FREM1: variants seen among roughly 807,000 people sequenced by gnomAD.
The protein encoded by FREM1 is FRAS1-related extracellular matrix protein 1.
A neutral mutation model predicts 210.1 loss-of-function variants in FREM1; 220 were observed. The ratio of observed to expected loss-of-function variants is 1.05; its 90% CI spans 0.94 to 1.17. The LOEUF is 1.17. Ranked by LOEUF, FREM1 falls within the 50% of genes most tolerant of loss-of-function variation. The probability of loss-of-function intolerance (pLI) is 0.00; values close to 1 mark genes in which losing one functional copy is unlikely to be tolerated. For missense variants in FREM1, 3,454 were observed against 2,675.5 expected, an observed-to-expected ratio of 1.29 and a Z score of -6.42; for synonymous variants, 1,189 against 980.2, an observed-to-expected ratio of 1.21 and a Z score of -3.98.
At position 14,805,501 on chromosome 9, in the gene FREM1, T is replaced by C. The variant is rs1014705058; in HGVS notation, c.3275-349A>G. ...TTTGCATGAATAGTCTCTGTCACAC[T>C]TGAGTATAAAAAGAGACCACCTCCG... On this transcript the variant is annotated intron_variant, in intron 18 of 36. Transcript: ENST00000380880. Among the ~76,000 whole-genome samples, 2 of 152,352 alleles carry C rather than the reference T, an allele frequency of 1.3e-5. 1 individual carries two copies. The highest frequency in any genetic ancestry group is 4.1e-4 in the South Asian group (2 of 4,826).
At chr9:14,852,249 G>T (rs1166687715) in intron 5 of FREM1, among the ~76,000 whole-genome samples, 6 of 152,158 alleles carry the variant, frequency 3.9e-5, no homozygotes, top group South Asian at 2.1e-4. Flanking sequence ...TTCAAGCAAG[G>T]GTTGGGCATT....
chr9:14,737,345 T>C lies in FREM1; in HGVS notation c.*51A>G, dbSNP rs1404326271. On this transcript the variant is annotated 3_prime_UTR_variant, in exon 37 of 37. Transcript: ENST00000380880. The stretch of plus-strand genomic sequence containing the variant: ...TATGGAGCAATATTCACAGATCCTG[T>C]GAATAAATAGGTGACAAACTCCAGG... The C allele has an allele frequency of 7.2e-7, 1 of 1,398,168 alleles. No homozygotes were observed. Among genetic ancestry groups the C allele is most frequent in the African/African-American group, 1.4e-5 (1 of 70,328 alleles). 86.6% of individuals were successfully genotyped at this position (1,398,168 alleles called of 1,614,324 possible).
chr9:14,787,867 C>A (rs1346657319), intron 23 of FREM1, among the ~76,000 whole-genome samples: 2 of 152,152 alleles, frequency 1.3e-5, no homozygotes, highest in Admixed American at 1.3e-4. Flanking sequence ...ACAGTAACAT[C>A]TAGCTTATCT....
rs553179698 is a variant in FREM1, at chr9:14,779,890, A to G, written c.4443-3687T>C. ...AAACATGACTGGATCAAATAACATCATTCCACTTTCACAAGTAACAGTGCA... is the reference window on the plus strand; with the variant it reads ...AAACATGACTGGATCAAATAACATCGTTCCACTTTCACAAGTAACAGTGCA... On this transcript the variant is annotated intron_variant, in intron 24 of 36. Coordinates refer to ENST00000380880, the MANE Select transcript of FREM1 (RefSeq NM_001379081.2). Among the ~76,000 whole-genome samples, 3 of 152,328 alleles carry G rather than the reference A, an allele frequency of 2.0e-5. No individual in the cohort carries two copies. The South Asian group carries it at 6.2e-4, about 32-fold the overall frequency.
intron 5 of FREM1, among the ~76,000 whole-genome samples, chr9:14,854,486 A>G (rs2131454416): frequency 6.6e-6 from 1 of 152,264 alleles, no homozygotes; most frequent in East Asian, 1.9e-4. Context: ...AATTTCAAAG[A>G]TGAATTCAAT....
chr9:14,843,457 C>T (rs1826033610), intron 8 of FREM1, among the ~76,000 whole-genome samples: 1 of 152,136 alleles, frequency 6.6e-6, no homozygotes, highest in Non-Finnish European at 1.5e-5. Context: ...TCCGCAATTA[C>T]ATAAGCCAAT....
chr9:14,743,783 G>A (rs1841957628), intron 35 of FREM1, among the ~76,000 whole-genome samples: 1 of 152,022 alleles, frequency 6.6e-6, no homozygotes, highest in Non-Finnish European at 1.5e-5. Context: ...TTTGTAAGCA[G>A]AGACACCATA....
At chr9:14,843,593 C>T (rs1197397044) in intron 8 of FREM1, among the ~76,000 whole-genome samples, 1 of 152,150 alleles carries the variant, frequency 6.6e-6, no homozygotes, top group East Asian at 1.9e-4. Context: ...CTTACTAATA[C>T]AAATACTTAC....
At chr9:14,805,899 T>C (rs1454412627) in intron 18 of FREM1, among the ~76,000 whole-genome samples, 1 of 152,194 alleles carries the variant, frequency 6.6e-6, no homozygotes, top group African/African-American at 2.4e-5. Flanking sequence ...GCTTTAAAAT[T>C]AATGTCATCT....
rs747595418 is a variant in FREM1 at position 14,842,515 on chromosome 9, G to A, written c.1539C>T (p.Asn513=). The A allele has an allele frequency of 1.1e-5, 18 of 1,613,914 alleles. No individual in the cohort carries two copies. The highest frequency in any genetic ancestry group is 1.6e-4 in the Middle Eastern group (1 of 6,082). Residue 513 remains asparagine (N), a synonymous_variant, in exon 9 of 37, where the codon AAC becomes AAT. Transcript: ENST00000380880. The part of the protein sequence containing the change: ...HHSIRHKFPI[N]VLPKDDSPPF... ...GGGGACTATCATCTTTGGGCAAGAC[G>A]TTGATGGGGAATTTGTGACGGATGC...
intron 1 of FREM1, among the ~76,000 whole-genome samples, chr9:14,872,481 G>T (rs1383824502): frequency 6.6e-6 from 1 of 152,154 alleles, no homozygotes; most frequent in Non-Finnish European, 1.5e-5. Flanking sequence ...TCTTTTATTG[G>T]TGTATAAGAA....
At chr9:14,859,140 T>C (rs982249419) in intron 4 of FREM1, 43 bp downstream of exon 4, 1 of 1,474,228 alleles carries the variant, frequency 6.8e-7, no homozygotes, top group South Asian at 1.4e-5. Flanking sequence ...GATATTTTTG[T>C]CAGTTTTGGT....
At chr9:14,785,255 CAAAT>C (rs1313017430) in intron 23 of FREM1, among the ~76,000 whole-genome samples, 1 of 152,160 alleles carries the variant, frequency 6.6e-6, no homozygotes, top group South Asian at 2.1e-4. Flanking sequence ...ATGCAGTAGT[CAAAT>C]GAATGAACTA....
Position 14,788,949 on chromosome 9 carries a change from A to C in FREM1, c.4147T>G (p.Cys1383Gly), listed in dbSNP as rs1194928192. ...TCCATGTCCTTGATGGTGATTTGAC[A>C]GTCAAGAGCAGGGGACCTGTTGTTG... ...DGNNRSPALD[C>G]QITIKDMEKG... The change falls in exon 23 of 37, where the codon TGT becomes GGT. Residue 1383 changes from cysteine (C) to glycine (G), a missense_variant. Coordinates refer to ENST00000380880, the MANE Select transcript of FREM1 (RefSeq NM_001379081.2). The C allele has an allele frequency of 6.2e-7, 1 of 1,612,938 alleles. No homozygotes were observed. Among genetic ancestry groups the C allele is most frequent in the Admixed American group, 1.7e-5 (1 of 59,916 alleles).
chr9:14,779,555 G>C (rs1003175968), intron 24 of FREM1: 13 of 935,634 alleles, frequency 1.4e-5, no homozygotes, highest in Non-Finnish European at 1.7e-5. Flanking sequence ...ATGCCTGACG[G>C]GGTCCTCAAA....
chr9:14,896,086 G>T (rs1300741767), intron 1 of FREM1, among the ~76,000 whole-genome samples: 1 of 152,144 alleles, frequency 6.6e-6, no homozygotes, highest in Non-Finnish European at 1.5e-5. Context: ...AGACCTTGCT[G>T]ATGAAACAGT....
rs766584062 is a variant in FREM1, at chr9:14,775,905, G to A, written c.4741C>T (p.His1581Tyr). Reference protein sequence around the residue: ...DVDSKNVAYRHSGGDSQTDCF... With the variant: ...DVDSKNVAYRYSGGDSQTDCF... ...TCAGTCTGGGAGTCCCCTCCTGAGT[G>A]CCGATAGGCCACATTCTTGCTGTCC... The change falls in exon 25 of 37, where the codon CAC becomes TAC. Residue 1581 changes from histidine (H) to tyrosine (Y), a missense_variant. Physicochemically the swap from His to Tyr is moderately conservative, Grantham distance 83. Coordinates refer to ENST00000380880, the MANE Select transcript of FREM1 (RefSeq NM_001379081.2). The A allele has an allele frequency of 5.0e-6, 8 of 1,613,954 alleles. No homozygotes were observed. In the East Asian group the frequency reaches 8.9e-5, roughly 18 times the overall value.
At chr9:14,783,799 A>G (rs1308002357) in intron 24 of FREM1, among the ~76,000 whole-genome samples, 3 of 152,224 alleles carry the variant, frequency 2.0e-5, no homozygotes, top group African/African-American at 4.8e-5. Context: ...GCAGCCCCCA[A>G]TTACAACATT....
At chr9:14,768,719 G>T (rs367867428) in intron 27 of FREM1, among the ~76,000 whole-genome samples, 6 of 152,248 alleles carry the variant, frequency 3.9e-5, no homozygotes, top group African/African-American at 1.4e-4. Context: ...CTGCTGGTCA[G>T]ATTTTAGAAC....
Sources: allele counts gnomAD v4.1 joint callset (sites outside exome capture counted in the v4.1 genomes callset), GRCh38; gene constraint gnomAD v4.1.1; transcripts MANE v1.5; gene names NCBI Gene and HGNC (gene_info 2026-07-23, HGNC 2026-07-21).